IFT46: variants seen among roughly 807,000 people sequenced by gnomAD.
The protein encoded by IFT46 is intraflagellar transport protein 46 homolog.
IFT46 carries 19 observed loss-of-function variants against 39.6 expected under a neutral mutation model. The observed-to-expected ratio is 0.48, with a 90% CI of 0.33 to 0.70. The LOEUF (loss-of-function observed/expected upper bound fraction) is 0.70. Among genes scored for constraint, IFT46 ranks in the 30% least tolerant of loss-of-function variants. IFT46 has a pLI of 0.01. For missense variants in IFT46, 334 were observed against 364.8 expected (o/e 0.92, Z 0.69); for synonymous variants, 117 against 134.8 (o/e 0.87, Z 0.91).
At chr11:118,554,653 T>G in intron 6 of IFT46, 66 bp from the exon 7 acceptor site, 1 of 1,495,330 alleles carries the variant, frequency 6.7e-7, no homozygotes, top group Non-Finnish European at 9.0e-7. Flanking sequence ...GGAAGAACAC[T>G]TCTGGTTCAT....
In IFT46 at chr11:118,545,837, G is replaced by A. The variant is rs1555066985; in HGVS notation, c.689C>T (p.Ala230Val). The change falls in exon 10 of 12, where the codon GCA (alanine) becomes GTA (valine). Residue 230 changes from alanine to valine, a missense_variant. By Grantham distance (64) the Ala-to-Val change is moderately conservative. Coordinates refer to ENST00000264021, the MANE Select transcript of IFT46 (RefSeq NM_001168618.2). ...ELLGKVSLPTAEIDCSLAEYI... is the reference protein window; with the variant it reads ...ELLGKVSLPTVEIDCSLAEYI... Reference sequence around the variant, plus strand: ...CTCTGCCAGGCTGCAATCAATCTCTGCCGTGGGCAGGCTTACCTGGAAGGG... The same window carrying A: ...CTCTGCCAGGCTGCAATCAATCTCTACCGTGGGCAGGCTTACCTGGAAGGG... 1.9e-6 allele frequency: 3 copies of A among 1,614,048 alleles called. No individual in the cohort carries two copies. Among genetic ancestry groups the A allele is most frequent in the Non-Finnish European group, 2.5e-6 (3 of 1,180,034 alleles).
At position 118,545,008 on chromosome 11, in the gene IFT46, A is replaced by C. The variant is rs1555066698; in HGVS notation, c.823T>G (p.Phe275Val). 1.2e-6 allele frequency: 2 copies of C among 1,608,554 alleles called. No individual in the cohort carries two copies. Among genetic ancestry groups the C allele is most frequent in the African/African-American group, 2.7e-5 (2 of 74,858 alleles). ...LYSEFKNSQH[F>V]KALAEGKKAF... ...TTCTTGCCTTCAGCGAGAGCTTTAA[A>C]ATGCTGCAAGGAAGAGGAGAGGGAA... The change falls in exon 12 of 12, where the codon TTT becomes GTT. Residue 275 changes from phenylalanine (F) to valine (V), a missense_variant. Physicochemically the swap from Phe to Val is conservative, Grantham distance 50 (BLOSUM62 -1). Transcript: ENST00000264021.
chr11:118,548,468 G>A (rs1413781221), intron 9 of IFT46, among the ~76,000 whole-genome samples: 5 of 149,842 alleles, frequency 3.3e-5, no homozygotes, highest in African/African-American at 7.5e-5. Flanking sequence ...GGGTTCAAGC[G>A]ATTCTCCTGG....
intron 9 of IFT46, among the ~76,000 whole-genome samples, chr11:118,550,345 T>G (rs572245138): frequency 1.2e-4 from 19 of 152,356 alleles, no homozygotes; most frequent in Non-Finnish European, 1.3e-4. Flanking sequence ...GACACTTGAA[T>G]TTTTTAAAAA....
At chr11:118,550,003 A>C (rs1951777628) in intron 9 of IFT46, among the ~76,000 whole-genome samples, 3 of 149,374 alleles carry the variant, frequency 2.0e-5, no homozygotes, top group East Asian at 2.0e-4. Context: ...TGCTCACTGC[A>C]ACCTCCGTGC....
chr11:118,574,061 T>A (rs1178804329), upstream of IFT46, among the ~76,000 whole-genome samples: 1 of 152,232 alleles, frequency 6.6e-6, no homozygotes, highest in African/African-American at 2.4e-5. Context: ...TATTTTTAAT[T>A]CATTGATAAC....
At chr11:118,550,649 G>T (rs1024842931) in intron 9 of IFT46, among the ~76,000 whole-genome samples, 3 of 152,102 alleles carry the variant, frequency 2.0e-5, no homozygotes, top group Non-Finnish European at 2.9e-5. Flanking sequence ...ATTCACATAT[G>T]TATACAGTTG....
chr11:118,547,846 A>C (rs1237836255), intron 9 of IFT46, among the ~76,000 whole-genome samples: 4 of 142,160 alleles, frequency 2.8e-5, no homozygotes, highest in Non-Finnish European at 3.0e-5. Context: ...TCCCGGGTTC[A>C]CGCCATTCTC....
upstream of IFT46, chr11:118,573,576 T>G: frequency 3.1e-6 from 2 of 653,102 alleles, no homozygotes; most frequent in Admixed American, 4.7e-5. Context: ...TTTAGTCTTT[T>G]GAAGGATGTT....
intron 2 of IFT46, 173 bp from the exon 3 acceptor site, chr11:118,560,037 A>G (rs1937987413): frequency 2.2e-5 from 13 of 598,970 alleles, no homozygotes; most frequent in Middle Eastern, 8.9e-4. Flanking sequence ...AGTTCAATTC[A>G]AGATATATTT....
At chr11:118,552,041 T>C (rs943604487) in intron 8 of IFT46, among the ~76,000 whole-genome samples, 173 bp downstream of exon 8, 59 of 152,156 alleles carry the variant, frequency 3.9e-4, no homozygotes, top group African/African-American at 1.4e-3. Context: ...TAAGTAATAC[T>C]AGAGAAATTA....
upstream of IFT46, among the ~76,000 whole-genome samples, chr11:118,574,998 G>C (rs1031223255): frequency 4.0e-5 from 6 of 151,818 alleles, no homozygotes; most frequent in African/African-American, 1.5e-4. Flanking sequence ...TTTGGTTTTC[G>C]AGACGGATTC....
intron 9 of IFT46, chr11:118,546,562 G>T: frequency 5.2e-6 from 1 of 192,552 alleles, no homozygotes; most frequent in East Asian, 1.3e-4. Flanking sequence ...TGGACTACTA[G>T]CCTCCAGAAC....
chr11:118,559,974 T>C lies in IFT46; in HGVS notation c.-35-110A>G, dbSNP rs1555070296. On this transcript the variant is annotated intron_variant, in intron 2 of 11. Transcript: ENST00000264021. ...TAACCATTTTATAAAACAAGGTTTA[T>C]TGGAACATCTGGCTAAAGAGACAGG... 3.0e-5 allele frequency: 20 copies of C among 662,374 alleles called. 1 individual carries two copies. The highest frequency in any genetic ancestry group is 2.6e-4 in the South Asian group (14 of 53,756). 41.0% of individuals were successfully genotyped at this position (662,374 alleles called of 1,614,324 possible).
At chr11:118,551,926 T>C in intron 8 of IFT46, 74 bp from the exon 9 acceptor site, 1 of 1,414,724 alleles carries the variant, frequency 7.1e-7, no homozygotes, top group Non-Finnish European at 1.0e-6. Context: ...CAGCATATTC[T>C]AGGATGAAGG....
At chr11:118,558,549 C>T (rs1002835705) in intron 3 of IFT46, among the ~76,000 whole-genome samples, 1 of 151,732 alleles carries the variant, frequency 6.6e-6, no homozygotes, top group Non-Finnish European at 1.5e-5. Context: ...GAGCTGAGGT[C>T]ATGCCACTAC....
At chr11:118,555,132 T>C in intron 5 of IFT46, 49 bp from the exon 6 acceptor site, 1 of 1,554,464 alleles carries the variant, frequency 6.4e-7, no homozygotes, top group South Asian at 1.1e-5. Context: ...AAAAGTTACT[T>C]TACTATTCAG....
chr11:118,552,089 G>A (rs1343608376), intron 8 of IFT46, 125 bp downstream of exon 8: 4 of 1,207,070 alleles, frequency 3.3e-6, no homozygotes, highest in Non-Finnish European at 4.7e-6. Flanking sequence ...GTAGTTGCCA[G>A]GATCCACAGG....
At chr11:118,560,400 C>A (rs3132892) in intron 2 of IFT46, 10,254 of 157,642 alleles carry the variant, frequency 0.065, 1,208 homozygotes, top group African/African-American at 0.26. Flanking sequence ...CACTCCAGCC[C>A]GGGCAACAGA....
Sources: gnomAD v4.1 joint callset for allele counts (sites outside exome capture counted in the v4.1 genomes callset) on GRCh38, gnomAD v4.1.1 for gene constraint, MANE v1.5 for transcripts, NCBI Gene and HGNC (gene_info 2026-07-23, HGNC 2026-07-21) for gene names.